Variants in NRG1 observed in about 807,000 individuals in gnomAD.
NRG1 encodes neuregulin 1.
NRG1 carries 18 observed loss-of-function variants against 63.8 expected under a neutral mutation model. That is an observed-to-expected ratio of 0.28 (90% CI 0.19 to 0.42). NRG1 has a LOEUF of 0.42. NRG1 is among the 10% of genes least tolerant of loss of function. The probability of loss-of-function intolerance (pLI) is 1.00; values close to 1 mark genes in which losing one functional copy is unlikely to be tolerated. For synonymous variants in NRG1, 302 were observed against 301.3 expected, an observed-to-expected ratio of 1.00 and a Z score of -0.02; for missense variants, 762 against 814.7, an observed-to-expected ratio of 0.94 and a Z score of 0.79.
chr8:32,470,199 T>TA (rs1554551618), intron 1 of NRG1, among the ~76,000 whole-genome samples: 49 of 131,124 alleles, frequency 3.7e-4, no homozygotes, highest in African/African-American at 1.4e-3. Flanking sequence ...TTTTTTTTTT[T>TA]ACACAGAGTC....
chr8:31,890,087 G>A (rs1175143505), intron 1 of NRG1, among the ~76,000 whole-genome samples: 1 of 152,106 alleles, frequency 6.6e-6, no homozygotes, highest in Non-Finnish European at 1.5e-5. Context: ...AGCATGCCTG[G>A]TCTCTATCCA....
intron 1 of NRG1, among the ~76,000 whole-genome samples, chr8:31,732,207 C>T (rs1814155018): frequency 6.6e-6 from 1 of 152,148 alleles, no homozygotes; most frequent in Non-Finnish European, 1.5e-5. Flanking sequence ...TGGTTGTTCA[C>T]AGCTGACGTT....
intron 1 of NRG1, among the ~76,000 whole-genome samples, chr8:31,843,495 G>T (rs551711593): frequency 2.0e-5 from 3 of 152,300 alleles, no homozygotes; most frequent in Non-Finnish European, 2.9e-5. Context: ...AATGAGGGAA[G>T]TTGGCCTCAC....
chr8:31,796,262 G>T (rs1267563119), intron 1 of NRG1, among the ~76,000 whole-genome samples: 1 of 151,124 alleles, frequency 6.6e-6, no homozygotes, highest in East Asian at 1.9e-4. Flanking sequence ...GAAGCTCAGT[G>T]ATCTTTTTAT....
chr8:31,893,922 A>G (rs1831350733), intron 1 of NRG1, among the ~76,000 whole-genome samples: 1 of 152,102 alleles, frequency 6.6e-6, no homozygotes, highest in African/African-American at 2.4e-5. Context: ...AGTTCTGGCT[A>G]ATCTACCTAC....
intron 1 of NRG1, among the ~76,000 whole-genome samples, chr8:31,856,812 T>C (rs1230136839): frequency 1.3e-5 from 2 of 152,206 alleles, no homozygotes; most frequent in Non-Finnish European, 2.9e-5. Flanking sequence ...CCTTTCTGTT[T>C]GTTAGTTTTC....
intron 1 of NRG1, among the ~76,000 whole-genome samples, chr8:32,502,260 C>T (rs1400621030): frequency 6.6e-6 from 1 of 151,344 alleles, no homozygotes; most frequent in Non-Finnish European, 1.5e-5. Flanking sequence ...AGGTGCCACA[C>T]AATTTTAAAT....
chr8:32,043,103 T>C (rs1820357758), intron 1 of NRG1, among the ~76,000 whole-genome samples: 1 of 150,816 alleles, frequency 6.6e-6, no homozygotes, highest in African/African-American at 2.4e-5. Context: ...CTCAGAAAAC[T>C]CAAAATAAAC....
intron 1 of NRG1, among the ~76,000 whole-genome samples, chr8:32,284,930 C>T (rs1300130105): frequency 1.3e-5 from 2 of 152,190 alleles, no homozygotes; most frequent in African/African-American, 4.8e-5. Context: ...TATTACACAA[C>T]TGGCACGGTA....
intron 1 of NRG1, among the ~76,000 whole-genome samples, chr8:32,344,372 T>TTCTTTTTTCTTTCTTTCTTTCTTTCTTCC (rs1554513683): frequency 1.7e-5 from 1 of 58,676 alleles, no homozygotes; most frequent in Non-Finnish European, 3.9e-5. Context: ...CTTTCTTTCT[T>TTCTTTTTTCTTTCTTTCTTTCTTTCTTCC]TCTTTCTTTC....
intron 1 of NRG1, among the ~76,000 whole-genome samples, chr8:32,294,587 A>G (rs1026573946): frequency 6.6e-6 from 1 of 152,188 alleles, no homozygotes; most frequent in African/African-American, 2.4e-5. Context: ...TCCAGTGCCT[A>G]CCAGTTGCAC....
At chr8:32,204,711 C>G (rs1171147553) in intron 1 of NRG1, among the ~76,000 whole-genome samples, 1 of 152,128 alleles carries the variant, frequency 6.6e-6, no homozygotes, top group East Asian at 1.9e-4. Flanking sequence ...CACATTTAAA[C>G]CCATTGACAT....
At chr8:32,539,052 G>T (rs1832315591) in intron 1 of NRG1, among the ~76,000 whole-genome samples, 1 of 152,126 alleles carries the variant, frequency 6.6e-6, no homozygotes, top group Admixed American at 6.5e-5. Context: ...GAAAAACACA[G>T]TTAAAATCAT....
Position 32,689,709 on chromosome 8 carries a change from ATATT to A in NRG1, c.503-38236_503-38233del, listed in dbSNP as rs1273940149. On this transcript the variant is annotated intron_variant, in intron 5 of 11. Coordinates refer to ENST00000356819, the Ensembl canonical transcript of NRG1. ...ATATGTATGTGTAATATACATATACATATTTATACATATGAAATATAAATATCTA... is the reference window on the plus strand; with the variant it reads ...ATATGTATGTGTAATATACATATACATATACATATGAAATATAAATATCTA... Among the ~76,000 whole-genome samples the A allele has an allele frequency of 3.1e-4, 47 of 152,266 alleles. 2 individuals carry two copies. Among genetic ancestry groups the A allele is most frequent in the African/African-American group, 1.1e-3 (47 of 41,554 alleles).
intron 1 of NRG1, among the ~76,000 whole-genome samples, chr8:32,130,221 G>A (rs1474024408): frequency 1.3e-5 from 2 of 151,476 alleles, no homozygotes; most frequent in Non-Finnish European, 2.9e-5. Context: ...TACACATTAG[G>A]TCTTTTCCCT....
At chr8:31,680,525 T>C (rs1044670408) in intron 1 of NRG1, among the ~76,000 whole-genome samples, 4 of 151,398 alleles carry the variant, frequency 2.6e-5, no homozygotes, top group African/African-American at 9.7e-5. Flanking sequence ...CACATTTTCT[T>C]AATCCAGTCT....
chr8:32,450,886 G>T (rs1034486609), intron 1 of NRG1, among the ~76,000 whole-genome samples: 8 of 152,106 alleles, frequency 5.3e-5, no homozygotes, highest in African/African-American at 1.9e-4. Context: ...CTGAGTTAAA[G>T]ACAAGTCAGT....
intron 1 of NRG1, among the ~76,000 whole-genome samples, chr8:32,044,662 G>GA (rs756095740): frequency 4.0e-5 from 6 of 150,642 alleles, no homozygotes; most frequent in Admixed American, 1.3e-4. Context: ...GATGCCAGGG[G>GA]AAAAAAATTC....
intron 1 of NRG1, among the ~76,000 whole-genome samples, chr8:32,112,414 C>T (rs1029674271): frequency 2.6e-5 from 4 of 152,314 alleles, no homozygotes; most frequent in South Asian, 2.1e-4. Context: ...GAAGTCAGCA[C>T]CAGCAACTTC....
Sources: gnomAD v4.1 joint callset for allele counts (sites outside exome capture counted in the v4.1 genomes callset) on GRCh38, gnomAD v4.1.1 for gene constraint, MANE v1.5 for transcripts, NCBI Gene and HGNC (gene_info 2026-07-23, HGNC 2026-07-21) for gene names.